The following PARP11 variants were observed in gnomAD, a reference collection of about 807,000 sequenced individuals.
PARP11 encodes protein mono-ADP-ribosyltransferase PARP11.
Under a neutral mutation model 42.9 loss-of-function variants are expected in PARP11, and 31 were observed. That is an observed-to-expected ratio of 0.72 (90% CI 0.54 to 0.98). The LOEUF (loss-of-function observed/expected upper bound fraction) is 0.98, where lower values mean the gene tolerates loss of function less well. Among genes scored for constraint, PARP11 ranks in the 50% least tolerant of loss-of-function variants. PARP11 has a pLI of 0.00. For synonymous variants in PARP11, 137 were observed against 127.3 expected, an observed-to-expected ratio of 1.08 and a Z score of -0.51; for missense variants, 365 against 413.1, an observed-to-expected ratio of 0.88 and a Z score of 1.01.
intron 1 of PARP11, among the ~76,000 whole-genome samples, chr12:3,870,399 A>G (rs560852578): frequency 6.6e-6 from 1 of 152,378 alleles, no homozygotes; most frequent in African/African-American, 2.4e-5. Context: ...TGCTGAAATT[A>G]GCAAAATCAC....
At chr12:3,871,515 G>A (rs908628584) in intron 1 of PARP11, among the ~76,000 whole-genome samples, 7 of 152,054 alleles carry the variant, frequency 4.6e-5, no homozygotes, top group Admixed American at 6.6e-5. Context: ...TGTGTAGCAG[G>A]CTTATGAAAG....
At chr12:3,830,676 C>G (rs993710899) in intron 1 of PARP11, among the ~76,000 whole-genome samples, 1 of 152,062 alleles carries the variant, frequency 6.6e-6, no homozygotes, top group African/African-American at 2.4e-5. Flanking sequence ...TTACTTACTA[C>G]GTGCCAGCTA....
intron 6 of PARP11, among the ~76,000 whole-genome samples, chr12:3,821,328 T>A (rs780215581): frequency 4.1e-4 from 62 of 152,352 alleles, no homozygotes; most frequent in South Asian, 4.1e-4. Context: ...TTTAATAGCT[T>A]AAAGTTTTCT....
At chr12:3,871,301 A>G (rs1161973043) in intron 1 of PARP11, among the ~76,000 whole-genome samples, 1 of 152,242 alleles carries the variant, frequency 6.6e-6, no homozygotes, top group Non-Finnish European at 1.5e-5. Flanking sequence ...ACAATTATGC[A>G]TTGCATAAAA....
At chr12:3,848,943 A>T (rs1242166149) in intron 1 of PARP11, among the ~76,000 whole-genome samples, 1 of 151,838 alleles carries the variant, frequency 6.6e-6, no homozygotes, top group Non-Finnish European at 1.5e-5. Context: ...AAGGAGCTCA[A>T]ACAATTCAAC....
intron 4 of PARP11, among the ~76,000 whole-genome samples, chr12:3,824,155 CTT>C (rs1377130040): frequency 1.3e-5 from 2 of 152,280 alleles, no homozygotes; most frequent in African/African-American, 2.4e-5. Flanking sequence ...TGTGATCAAA[CTT>C]TTGAATTTTA....
intron 1 of PARP11, among the ~76,000 whole-genome samples, chr12:3,837,739 G>A (rs1947797492): frequency 6.6e-6 from 1 of 151,602 alleles, no homozygotes; most frequent in Non-Finnish European, 1.5e-5. Flanking sequence ...CACACATGAG[G>A]ATGAAAGTGA....
chr12:3,816,237 T>C (rs1454065542), intron 6 of PARP11, among the ~76,000 whole-genome samples: 1 of 152,224 alleles, frequency 6.6e-6, no homozygotes, highest in African/African-American at 2.4e-5. Context: ...TTTTACCCAC[T>C]GTTTCAATCT....
chr12:3,868,499 G>C (rs1383251147), intron 1 of PARP11, among the ~76,000 whole-genome samples: 1 of 152,166 alleles, frequency 6.6e-6, no homozygotes, highest in East Asian at 1.9e-4. Context: ...CTTCTTCTCT[G>C]AGCTCCAGAC....
chr12:3,823,483 G>A (rs1045750161), intron 4 of PARP11, among the ~76,000 whole-genome samples: 9 of 151,860 alleles, frequency 5.9e-5, no homozygotes, highest in East Asian at 5.8e-4. Context: ...TAGTGCTTAC[G>A]ACAGAGCCTG....
rs1473151020 is a variant in PARP11, at chr12:3,812,205, A to G, written c.935T>C (p.Val312Ala). Residue 312 changes from valine (V) to alanine (A), a missense_variant, in exon 8 of 8, where the codon GTG (valine) becomes GCG (alanine). Transcript: ENST00000228820. ...GATCTTTGGGTTCCAGGTATCATCC[A>G]CACAGCTGTCATATAAATTCACATA... ...GSYVNLYDSC[V>A]DDTWNPKIFV... 2 of 1,614,074 alleles carry G rather than the reference A, an allele frequency of 1.2e-6. No individual in the cohort carries two copies. The highest frequency in any genetic ancestry group is 1.7e-6 in the Non-Finnish European group (2 of 1,180,036).
At position 3,840,808 on chromosome 12, in the gene PARP11, T is replaced by C; in HGVS notation, c.19-10790A>G. On this transcript the variant is annotated intron_variant, in intron 1 of 7. Coordinates refer to ENST00000228820, the MANE Select transcript of PARP11 (RefSeq NM_020367.6). The surrounding 1 kb of genome is among the most constrained non-coding windows in gnomAD (Gnocchi z 4.4). Reference sequence around the variant, plus strand: ...TGATGATAAATATGCAACAGTTTCATCACCATCAAAGTCAAAGAAGTTAGA... The same window carrying C: ...TGATGATAAATATGCAACAGTTTCACCACCATCAAAGTCAAAGAAGTTAGA... 2 of 1,591,716 alleles carry C rather than the reference T, an allele frequency of 1.3e-6. No homozygotes were observed. Among genetic ancestry groups the C allele is most frequent in the African/African-American group, 2.7e-5 (2 of 74,638 alleles).
At chr12:3,856,447 A>G (rs546100382) in intron 1 of PARP11, among the ~76,000 whole-genome samples, 71 of 152,372 alleles carry the variant, frequency 4.7e-4, no homozygotes, top group African/African-American at 1.7e-3. Flanking sequence ...AACCCCATCC[A>G]AAAGTGGGCA....
chr12:3,872,841 G>T (rs1478327084), intron 1 of PARP11: 9 of 981,668 alleles, frequency 9.2e-6, no homozygotes, highest in Non-Finnish European at 9.7e-6. Flanking sequence ...CACGACAATC[G>T]CTTTAACCCG....
chr12:3,848,624 T>C (rs1948041949), intron 1 of PARP11, among the ~76,000 whole-genome samples: 1 of 152,080 alleles, frequency 6.6e-6, no homozygotes, highest in African/African-American at 2.4e-5. Flanking sequence ...AATAAAACTA[T>C]ACCACTATCT....
intron 1 of PARP11, chr12:3,863,920 G>A (rs1258607559): frequency 1.3e-5 from 2 of 152,090 alleles, no homozygotes; most frequent in African/African-American, 4.8e-5. Flanking sequence ...TGGACAAACT[G>A]GTATAGCACG....
chr12:3,833,975 G>A (rs1443459710), intron 1 of PARP11, among the ~76,000 whole-genome samples: 1 of 151,042 alleles, frequency 6.6e-6, no homozygotes, highest in East Asian at 1.9e-4. Context: ...GTGACACAGA[G>A]GACCCGTCTC....
rs142098492 is a variant in PARP11 at position 3,855,357 on chromosome 12, A to T, written c.18+17855T>A. 1.8e-3 allele frequency among the ~76,000 whole-genome samples: 279 copies of T among 152,376 alleles called. 1 individual carries two copies. Among genetic ancestry groups the T allele is most frequent in the African/African-American group, 6.3e-3 (263 of 41,598 alleles). On this transcript the variant is annotated intron_variant, in intron 1 of 7. Transcript: ENST00000228820. ...GAAGTCAAATTGTCCCTGTTTGCAGATGACATGATTGTACATTTAGAAAAT... is the reference window on the plus strand; with the variant it reads ...GAAGTCAAATTGTCCCTGTTTGCAGTTGACATGATTGTACATTTAGAAAAT...
chr12:3,855,266 T>C (rs1422480356), intron 1 of PARP11, among the ~76,000 whole-genome samples: 2 of 152,138 alleles, frequency 1.3e-5, no homozygotes. Context: ...CAACATAGTG[T>C]TGAAAGTTCT....
Sources: gnomAD v4.1 joint callset for allele counts (sites outside exome capture counted in the v4.1 genomes callset) on GRCh38, gnomAD v4.1.1 for gene constraint, Gnocchi (gnomAD v3.1) non-coding constraint, MANE v1.5 for transcripts, NCBI Gene and HGNC (gene_info 2026-07-23, HGNC 2026-07-21) for gene names.